The following HNRNPLL variants were observed in gnomAD, a reference collection of about 807,000 sequenced individuals.
HNRNPLL encodes the protein heterogeneous nuclear ribonucleoprotein L-like.
A neutral mutation model predicts 67.1 loss-of-function variants in HNRNPLL; 25 were observed. The ratio of observed to expected loss-of-function variants is 0.37; its 90% CI spans 0.27 to 0.52. The LOEUF is 0.52. HNRNPLL is among the 20% of genes least tolerant of loss of function. The pLI is 0.90. For synonymous variants in HNRNPLL, 267 were observed against 241.7 expected (o/e 1.10, Z -0.97); for missense variants, 542 against 673.9 (o/e 0.80, Z 2.17).
chr2:38,582,257 T>G, intron 4 of HNRNPLL, 89 bp from the exon 5 acceptor site: 2 of 833,856 alleles, frequency 2.4e-6, no homozygotes, highest in Middle Eastern at 3.2e-4. Flanking sequence ...TAATCAGAAG[T>G]AGCTCTTTTA....
chr2:38,569,024 A>G (rs560181548), intron 10 of HNRNPLL, 109 bp downstream of exon 10: 3 of 787,950 alleles, frequency 3.8e-6, no homozygotes, highest in East Asian at 2.5e-5. Context: ...TAAAATAGTA[A>G]TAACATCAAA....
chr2:38,585,356 G>A lies in HNRNPLL; in HGVS notation c.546+288C>T, dbSNP rs147490222. On this transcript the variant is annotated intron_variant, in intron 3 of 12. Coordinates refer to ENST00000449105, the MANE Select transcript of HNRNPLL (RefSeq NM_138394.4). The stretch of plus-strand genomic sequence containing the variant: ...TATGCGTGACAGAGATTTTTTGAAC[G>A]ATTTCAAACAAGTCTGTCTATAATT... Among the ~76,000 whole-genome samples, 73 of 152,212 alleles carry A rather than the reference G, an allele frequency of 4.8e-4. 4 individuals carry two copies. In the East Asian group the frequency reaches 0.014, roughly 28 times the overall value.
chr2:38,591,259 T>G (rs1666948603), intron 2 of HNRNPLL, among the ~76,000 whole-genome samples: 1 of 152,114 alleles, frequency 6.6e-6, no homozygotes. Context: ...GAAAATCAGA[T>G]GAAAAGCACA....
At position 38,578,290 on chromosome 2, in the gene HNRNPLL, C is replaced by T. The variant is rs182109783; in HGVS notation, c.803-758G>A. On this transcript the variant is annotated intron_variant, in intron 6 of 12. Coordinates refer to ENST00000449105, the MANE Select transcript of HNRNPLL (RefSeq NM_138394.4). ...AGCTACGTTTTCAGAAAAGGCATGC[C>T]AATTTTCCCAAATCTAATTAGAGAC... is the stretch of plus-strand genomic sequence containing the variant. Among the ~76,000 whole-genome samples the T allele has an allele frequency of 2.9e-4, 44 of 151,984 alleles. 1 individual carries two copies. The highest frequency in any genetic ancestry group is 4.2e-4 in the South Asian group (2 of 4,808).
chr2:38,600,536 T>G (rs1391831411), intron 1 of HNRNPLL, among the ~76,000 whole-genome samples: 5 of 152,010 alleles, frequency 3.3e-5, no homozygotes, highest in Non-Finnish European at 1.5e-5. Flanking sequence ...GAGACTAGCT[T>G]TGGCAATATG....
At chr2:38,584,805 G>A (rs1300834099) in intron 3 of HNRNPLL, among the ~76,000 whole-genome samples, 1 of 151,696 alleles carries the variant, frequency 6.6e-6, no homozygotes, top group Non-Finnish European at 1.5e-5. Flanking sequence ...GAAATTTCTT[G>A]AGCATCTATA....
chr2:38,589,897 C>G (rs1666893969), intron 2 of HNRNPLL, among the ~76,000 whole-genome samples: 1 of 152,132 alleles, frequency 6.6e-6, no homozygotes, highest in Non-Finnish European at 1.5e-5. Flanking sequence ...AGACACCCAC[C>G]TCTTTATAAT....
intron 8 of HNRNPLL, among the ~76,000 whole-genome samples, chr2:38,572,684 T>A (rs1271507092): frequency 6.6e-6 from 1 of 152,088 alleles, no homozygotes; most frequent in Non-Finnish European, 1.5e-5. Flanking sequence ...ACAGGAAGTT[T>A]TGGACACATT....
chr2:38,590,031 G>A (rs761365597), intron 2 of HNRNPLL, among the ~76,000 whole-genome samples: 35 of 152,082 alleles, frequency 2.3e-4, no homozygotes, highest in Non-Finnish European at 4.4e-4. Context: ...AACTCTCCAC[G>A]CAGATTTAAT....
At chr2:38,568,034 A>G (rs1404761567) in intron 12 of HNRNPLL, 165 bp downstream of exon 12, 1 of 532,526 alleles carries the variant, frequency 1.9e-6, no homozygotes, top group African/African-American at 2.0e-5. Context: ...GCAATTTGTT[A>G]TACAGCAATA....
chr2:38,592,685 T>A (rs1202507928), intron 1 of HNRNPLL, among the ~76,000 whole-genome samples: 1 of 152,220 alleles, frequency 6.6e-6, no homozygotes, highest in East Asian at 1.9e-4. Context: ...AAAATGCAAA[T>A]AGCTTTCATT....
rs529805725 is a variant in HNRNPLL, at chr2:38,587,380, T to C, written c.309-1499A>G. ...CTGTATTATTATTATTTAACGTATCTTGCCTCATTCATCTTTCTGTCCTCA... is the reference window on the plus strand; with the variant it reads ...CTGTATTATTATTATTTAACGTATCCTGCCTCATTCATCTTTCTGTCCTCA... On this transcript the variant is annotated intron_variant, in intron 2 of 12. Coordinates refer to ENST00000449105, the MANE Select transcript of HNRNPLL (RefSeq NM_138394.4). Among the ~76,000 whole-genome samples, 54 of 152,320 alleles carry C rather than the reference T, an allele frequency of 3.5e-4. 1 individual carries two copies. Among genetic ancestry groups the C allele is most frequent in the Admixed American group, 3.0e-3 (46 of 15,302 alleles).
chr2:38,568,028 T>C (rs939696018), intron 12 of HNRNPLL, 171 bp downstream of exon 12: 5 of 515,870 alleles, frequency 9.7e-6, no homozygotes, highest in African/African-American at 5.9e-5. Flanking sequence ...TTTATGGCAA[T>C]TTGTTATACA....
chr2:38,584,600 T>C (rs1336454722), intron 3 of HNRNPLL, among the ~76,000 whole-genome samples: 2 of 152,200 alleles, frequency 1.3e-5, no homozygotes, highest in Non-Finnish European at 2.9e-5. Context: ...TGTTTAATAT[T>C]ATAATCACTT....
intron 1 of HNRNPLL, among the ~76,000 whole-genome samples, chr2:38,592,441 T>C (rs1324053320): frequency 6.6e-6 from 1 of 152,234 alleles, no homozygotes. Context: ...CACTATAACT[T>C]GAGGATACTC....
At chr2:38,602,185 A>C in intron 1 of HNRNPLL, 1 of 430,556 alleles carries the variant, frequency 2.3e-6, no homozygotes, top group Non-Finnish European at 4.1e-6. Flanking sequence ...CCGCGCCGCG[A>C]CCCTCCCCAA....
chr2:38,562,893 TAA>T lies in HNRNPLL; in HGVS notation c.*1287_*1288del, dbSNP rs1665718422. 1 of 152,088 alleles carries T rather than the reference TAA, an allele frequency of 6.6e-6. No homozygotes were observed. The highest frequency in any genetic ancestry group is 1.5e-5 in the Non-Finnish European group (1 of 67,942). The allele number at this position is 152,088 out of a possible 1,614,324, so 9.4% of individuals were successfully genotyped here. A position where few individuals can be genotyped will look rare whatever the true frequency, so the allele number is the denominator to read the frequency against. Reference sequence around the variant, plus strand: ...GGATTTTTTATATTAAAATTTAAAATAAAGTCTTTACAAAAGATCTAAATGGA... The same window carrying T: ...GGATTTTTTATATTAAAATTTAAAATAGTCTTTACAAAAGATCTAAATGGA... On this transcript the variant is annotated 3_prime_UTR_variant, in exon 13 of 13. Transcript: ENST00000449105.
intron 6 of HNRNPLL, 28 bp downstream of exon 6, chr2:38,581,885 T>G (rs1377967359): frequency 6.8e-7 from 1 of 1,475,634 alleles, no homozygotes; most frequent in Non-Finnish European, 9.5e-7. Context: ...GCAGATCAAG[T>G]ACATTCTAAA....
chr2:38,588,532 G>C (rs890705295), intron 2 of HNRNPLL, among the ~76,000 whole-genome samples: 4 of 106,400 alleles, frequency 3.8e-5, no homozygotes, highest in Non-Finnish European at 6.8e-5. Context: ...GGGTGACAGA[G>C]TGAAACTCCA....
Sources: gnomAD v4.1 joint callset for allele counts (sites outside exome capture counted in the v4.1 genomes callset) on GRCh38, gnomAD v4.1.1 for gene constraint, MANE v1.5 for transcripts, NCBI Gene and HGNC (gene_info 2026-07-23, HGNC 2026-07-21) for gene names.